ZBTB8B: variants seen among roughly 807,000 people sequenced by gnomAD.
The protein encoded by ZBTB8B is zinc finger and BTB domain containing 8B.
ZBTB8B carries 17 observed loss-of-function variants against 30.3 expected under a neutral mutation model. That is an observed-to-expected ratio of 0.56 (90% confidence interval 0.38 to 0.84). The LOEUF is 0.84. Among genes scored for constraint, ZBTB8B ranks in the 40% least tolerant of loss-of-function variants. The probability of loss-of-function intolerance (pLI) is 0.00; values close to 1 mark genes in which losing one functional copy is unlikely to be tolerated. For synonymous variants in ZBTB8B, 248 were observed against 255.6 expected (o/e 0.97, Z 0.28); for missense variants, 515 against 644.9 (o/e 0.80, Z 2.18).
rs1557684317 is a variant in ZBTB8B at position 32,485,983 on chromosome 1, C to G, written c.*565C>G. The G allele has an allele frequency of 6.5e-6, 1 of 153,934 alleles. No individual in the cohort carries two copies. Among genetic ancestry groups the G allele is most frequent in the African/African-American group, 2.4e-5 (1 of 41,444 alleles). 9.5% of individuals were successfully genotyped at this position (153,934 alleles called of 1,614,324 possible). ...AGAACAATTTTAAAGGCTTGGAATA[C>G]TTATGGGCAGACGAACATGGGAATG... On this transcript the variant is annotated 3_prime_UTR_variant, in exon 4 of 4. Transcript: ENST00000609129.
At chr1:32,471,979 T>A (rs1643625642) in intron 2 of ZBTB8B, among the ~76,000 whole-genome samples, 1 of 139,864 alleles carries the variant, frequency 7.1e-6, no homozygotes, top group South Asian at 2.1e-4. Flanking sequence ...AGTATCACCA[T>A]CATCATTACC....
intron 2 of ZBTB8B, among the ~76,000 whole-genome samples, chr1:32,475,764 G>GA (rs1202252289): frequency 6.6e-6 from 1 of 151,576 alleles, no homozygotes; most frequent in African/African-American, 2.4e-5. Context: ...AGGGGACAGG[G>GA]AAAAATTGAC....
chr1:32,474,636 T>G (rs1044299219), intron 2 of ZBTB8B, among the ~76,000 whole-genome samples: 2 of 152,204 alleles, frequency 1.3e-5, no homozygotes, highest in African/African-American at 4.8e-5. Context: ...GCTGCTTCCA[T>G]GAACACACCG....
Position 32,493,154 on chromosome 1 carries a change from T to TTG in ZBTB8B, c.*7738_*7739dup, listed in dbSNP as rs1023556247. On this transcript the variant is annotated 3_prime_UTR_variant, in exon 4 of 4. Coordinates refer to ENST00000609129, the MANE Select transcript of ZBTB8B (RefSeq NM_001145720.2). ...GAAATATGCATCAGGTTTGTTTTTT[T>TTG]TGTTTTTTTGACAGACTCTCACTCT... is the stretch of plus-strand genomic sequence containing the variant. The TTG allele has an allele frequency of 6.6e-6, 1 of 152,186 alleles. No individual in the cohort carries two copies. Among genetic ancestry groups the TTG allele is most frequent in the African/African-American group, 2.4e-5 (1 of 41,458 alleles). The allele number at this position is 152,186 out of a possible 1,614,324, so 9.4% of individuals were successfully genotyped here.
chr1:32,480,912 T>A lies in ZBTB8B; in HGVS notation c.1013T>A (p.Ile338Asn). Residue 338 changes from isoleucine to asparagine, a missense_variant, in exon 3 of 4, where the codon ATC (isoleucine) becomes AAC (asparagine). This residue lies in a region of ZBTB8B where 429 missense variants were observed against 504.3 expected (regional missense o/e 0.85). Transcript: ENST00000609129. ...CCAGGTGATGTGCTGGTGGTCCCCA[T>A]CAAGCTCCACAAGTGTCCTTTCTGC... The part of the protein sequence containing the change: ...EDSGDVLVVP[I>N]KLHKCPFCPY... The A allele has an allele frequency of 6.4e-7, 1 of 1,551,732 alleles. No individual in the cohort carries two copies. Among genetic ancestry groups the A allele is most frequent in the South Asian group, 1.2e-5 (1 of 83,954 alleles).
At chr1:32,467,549 C>T (rs373877435) in intron 1 of ZBTB8B, among the ~76,000 whole-genome samples, 10 of 152,096 alleles carry the variant, frequency 6.6e-5, no homozygotes, top group Admixed American at 3.3e-4. Context: ...CCACCACACC[C>T]GGCCCCAAGT....
In ZBTB8B at chr1:32,488,802, T is replaced by C. The variant is rs1643761884; in HGVS notation, c.*3384T>C. The C allele has an allele frequency of 6.6e-6, 1 of 152,182 alleles. No individual in the cohort carries two copies. The highest frequency in any genetic ancestry group is 2.4e-5 in the African/African-American group (1 of 41,446). The allele number at this position is 152,182 out of a possible 1,614,324, so 9.4% of individuals were successfully genotyped here. On this transcript the variant is annotated 3_prime_UTR_variant, in exon 4 of 4. Coordinates refer to ENST00000609129, the MANE Select transcript of ZBTB8B (RefSeq NM_001145720.2). Reference sequence around the variant, plus strand: ...TTTTTAATTTTATTTTATGTATTTATTTATTTATTTTGAGATGGAGTTTCA... The same window carrying C: ...TTTTTAATTTTATTTTATGTATTTACTTATTTATTTTGAGATGGAGTTTCA...
In ZBTB8B at chr1:32,488,047, G is replaced by C. The variant is rs551539078; in HGVS notation, c.*2629G>C. ...GAGGTCGGGAGTTCAAGACCAGCCT[G>C]GCCAACATGGAGAAACCCCGTCTCT... is the stretch of plus-strand genomic sequence containing the variant. On this transcript the variant is annotated 3_prime_UTR_variant, in exon 4 of 4. Coordinates refer to ENST00000609129, the MANE Select transcript of ZBTB8B (RefSeq NM_001145720.2). The C allele has an allele frequency of 2.7e-4, 41 of 152,162 alleles. 1 individual carries two copies. The highest frequency in any genetic ancestry group is 1.4e-3 in the Admixed American group (22 of 15,266). 9.4% of individuals were successfully genotyped at this position (152,162 alleles called of 1,614,324 possible). A position where few individuals can be genotyped will look rare whatever the true frequency, so the allele number is the denominator to read the frequency against.
rs540345939 is a variant in ZBTB8B at position 32,489,263 on chromosome 1, C to A, written c.*3845C>A. The A allele has an allele frequency of 6.6e-6, 1 of 152,204 alleles. No individual in the cohort carries two copies. 9.4% of individuals were successfully genotyped at this position (152,204 alleles called of 1,614,324 possible). ...TCTGACTCATTCATACACCCAGAAT[C>A]GTTACTAGGTTCTGATCATTTTGTT... On this transcript the variant is annotated 3_prime_UTR_variant, in exon 4 of 4. Coordinates refer to ENST00000609129, the MANE Select transcript of ZBTB8B (RefSeq NM_001145720.2).
intron 2 of ZBTB8B, among the ~76,000 whole-genome samples, chr1:32,480,318 G>C (rs1643695083): frequency 6.6e-6 from 1 of 152,062 alleles, no homozygotes; most frequent in East Asian, 1.9e-4. Context: ...GAGAAGGAGA[G>C]AGAGATCAGT....
Position 32,487,764 on chromosome 1 carries a change from C to G in ZBTB8B, c.*2346C>G, listed in dbSNP as rs1015580916. 2 of 151,852 alleles carry G rather than the reference C, an allele frequency of 1.3e-5. No homozygotes were observed. The highest frequency in any genetic ancestry group is 2.9e-5 in the Non-Finnish European group (2 of 67,992). The allele number at this position is 151,852 out of a possible 1,614,324, so 9.4% of individuals were successfully genotyped here. On this transcript the variant is annotated 3_prime_UTR_variant, in exon 4 of 4. Transcript: ENST00000609129. ...GGCTGTGGCGAGAGGAACACTTGAG[C>G]CTGGAAAAGGTTGCAGTGAGCTGGA...
chr1:32,471,789 TTACCATCATCAC>T (rs1267634021), intron 2 of ZBTB8B, among the ~76,000 whole-genome samples, 174 bp downstream of exon 2: 1 of 151,816 alleles, frequency 6.6e-6, no homozygotes, highest in Non-Finnish European at 1.5e-5. Context: ...ATCGTCATCA[TTACCATCATCAC>T]TACCATCATC....
Position 32,484,628 on chromosome 1 carries a change from G to C in ZBTB8B, c.1171-473G>C, listed in dbSNP as rs1643730238. 6.6e-6 allele frequency among the ~76,000 whole-genome samples: 1 copy of C among 152,086 alleles called. No individual in the cohort carries two copies. The highest frequency in any genetic ancestry group is 1.9e-4 in the East Asian group (1 of 5,194). On this transcript the variant is annotated intron_variant, in intron 3 of 3. Transcript: ENST00000609129. This position sits in a 1 kb window ranked among gnomAD's most constrained non-coding sequence, Gnocchi z 4.5. ...CTGGAAGTGGGGCCTGGTGGGAGGT[G>C]GTTGCATCATGGGGGCAGTTTCTCA...
chr1:32,468,553 C>T (rs895047544), intron 1 of ZBTB8B, among the ~76,000 whole-genome samples: 8 of 151,756 alleles, frequency 5.3e-5, no homozygotes, highest in Non-Finnish European at 7.4e-5. Context: ...CCATCAAAGC[C>T]GAAAAAAGGC....
At position 32,466,471 on chromosome 1, in the gene ZBTB8B, A is replaced by G. The variant is rs1170174934; in HGVS notation, c.-42+1366A>G. 2.6e-5 allele frequency among the ~76,000 whole-genome samples: 4 copies of G among 152,184 alleles called. No individual in the cohort carries two copies. In the East Asian group the frequency reaches 7.7e-4, roughly 29 times the overall value. ...TGCGGATAAATGTGCTTCTGAGAGCAGTCTGCCCTAAGAGCTGCTCTTCTG... is the reference window on the plus strand; with the variant it reads ...TGCGGATAAATGTGCTTCTGAGAGCGGTCTGCCCTAAGAGCTGCTCTTCTG... On this transcript the variant is annotated intron_variant, in intron 1 of 3. Transcript: ENST00000609129.
intron 2 of ZBTB8B, among the ~76,000 whole-genome samples, chr1:32,476,310 T>G (rs943801639): frequency 6.6e-6 from 1 of 151,454 alleles, no homozygotes; most frequent in African/African-American, 2.4e-5. Flanking sequence ...CATAGGGGGG[T>G]TTTTGGTAGT....
At chr1:32,467,041 C>T (rs562536833) in intron 1 of ZBTB8B, among the ~76,000 whole-genome samples, 13 of 152,216 alleles carry the variant, frequency 8.5e-5, no homozygotes, top group South Asian at 8.3e-4. Context: ...CCTGTAGTCA[C>T]AGCTACTTGG....
chr1:32,472,314 T>A (rs1643630477), intron 2 of ZBTB8B, among the ~76,000 whole-genome samples: 2 of 152,234 alleles, frequency 1.3e-5, no homozygotes, highest in South Asian at 4.1e-4. Flanking sequence ...AATCATTGAA[T>A]CTCTTTGAGT....
rs1643611551 is a variant in ZBTB8B, at chr1:32,470,806, G to A, written c.182G>A (p.Gly61Glu). 6.4e-7 allele frequency: 1 copy of A among 1,551,824 alleles called. No individual in the cohort carries two copies. Among genetic ancestry groups the A allele is most frequent in the East Asian group, 2.4e-5 (1 of 40,924 alleles). ...CTCATTCACTATATCCAGGACAGCGGGCGGCATAGCACCGCCTCCTTGGAC... is the reference window on the plus strand; with the variant it reads ...CTCATTCACTATATCCAGGACAGCGAGCGGCATAGCACCGCCTCCTTGGAC... ...ALLIHYIQDS[G>E]RHSTASLDIV... Residue 61 changes from glycine to glutamate, a missense_variant, in exon 2 of 4, where the codon GGG (glycine) becomes GAG (glutamate). This residue lies in a region of ZBTB8B where 61 missense variants were observed against 117.7 expected (regional missense o/e 0.52). Transcript: ENST00000609129.
Sources: allele counts gnomAD v4.1 joint callset (sites outside exome capture counted in the v4.1 genomes callset), GRCh38; gene constraint gnomAD v4.1.1; regional missense constraint gnomAD v4.1.1; non-coding constraint Gnocchi (gnomAD v3.1); transcripts MANE v1.5; gene names NCBI Gene and HGNC (gene_info 2026-07-23, HGNC 2026-07-21).